PLXNB1: variants seen among roughly 807,000 people sequenced by gnomAD.
PLXNB1 encodes plexin B1.
In PLXNB1, 106 loss-of-function variants were observed where a neutral mutation model predicts 209.4. The observed-to-expected ratio is 0.51, with a 90% confidence interval of 0.43 to 0.59. The LOEUF is 0.59. PLXNB1 is among the 20% of genes least tolerant of loss of function. The pLI is 0.00. For missense variants in PLXNB1, 2,357 were observed against 2,853.2 expected (o/e 0.83, Z 3.96); for synonymous variants, 1,167 against 1,183.2 (o/e 0.99, Z 0.28).
At position 48,409,666 on chromosome 3, in the gene PLXNB1, C is replaced by T. The variant is rs773945357; in HGVS notation, c.5844G>A (p.Pro1948=). Residue 1948 remains proline (P), a synonymous_variant, in exon 33 of 38, where the codon CCG becomes CCA. Transcript: ENST00000296440. This position sits in a 1 kb window ranked among gnomAD's most constrained non-coding sequence, Gnocchi z 5.8. ...GGTCAAAGAAGTACTTCACAGCGAG[C>T]GGCACGGGGCGGCTGGTGCTGAGAA... ...QVILSTSRPV[P]LAVKYFFDLL... 12 of 1,613,904 alleles carry T rather than the reference C, an allele frequency of 7.4e-6. No individual in the cohort carries two copies. Among genetic ancestry groups the T allele is most frequent in the East Asian group, 6.7e-5 (3 of 44,874 alleles).
In PLXNB1 at chr3:48,423,576, G is replaced by T. The variant is rs749656777; in HGVS notation, c.1036C>A (p.Arg346Ser). 1.2e-6 allele frequency: 2 copies of T among 1,614,032 alleles called. No homozygotes were observed. The highest frequency in any genetic ancestry group is 1.7e-5 in the Admixed American group (1 of 60,008). ...GCCACCTCGGTCCCATCCTCAGCAC[G>T]ACCCTCCCGGGTGTAGCAGGCATCT... ...TRDACYTREG[R>S]AEDGTEVAYI... Residue 346 changes from arginine to serine, a missense_variant, in exon 3 of 38, where the codon CGT becomes AGT. Physicochemically the swap from Arg to Ser is moderately radical, Grantham distance 110. Coordinates refer to ENST00000296440, the MANE Select transcript of PLXNB1 (RefSeq NM_001130082.3).
intron 27 of PLXNB1, 61 bp from the exon 28 acceptor site, chr3:48,412,070 G>T: frequency 6.3e-7 from 1 of 1,575,272 alleles, no homozygotes; most frequent in Non-Finnish European, 8.7e-7. Context: ...GGGACATGAC[G>T]CACACTGGGG....
intron 7 of PLXNB1, 71 bp downstream of exon 7, chr3:48,421,603 T>A (rs1365722958): frequency 3.1e-5 from 45 of 1,442,806 alleles, no homozygotes; most frequent in Middle Eastern, 1.8e-4. Flanking sequence ...GACATCAGGA[T>A]CCAAGATCTC....
chr3:48,427,478 C>G lies in PLXNB1; in HGVS notation c.-59-2145G>C, dbSNP rs75935616. Among the ~76,000 whole-genome samples the G allele has an allele frequency of 3.1e-3, 469 of 152,292 alleles. 2 individuals are homozygous for G. The highest frequency in any genetic ancestry group is 0.011 in the African/African-American group (449 of 41,554). On this transcript the variant is annotated intron_variant, in intron 1 of 37. Transcript: ENST00000296440. ...CCACAGGCCACTGAGCAGCTCCCAG[C>G]CCCTCCAATCTAGCCTCCCAACTCC...
In PLXNB1 at chr3:48,409,753, G is replaced by A; in HGVS notation, c.5779-22C>T. ...TGCCCTGTGGGAAGGAAGAAGCAGA[G>A]AGGTGTGGTCAGCAAAGGGCCCTCA... On this transcript the variant is annotated intron_variant, in intron 32 of 37. Transcript: ENST00000296440. The surrounding 1 kb of genome is among the most constrained non-coding windows in gnomAD (Gnocchi z 5.8). The A allele has an allele frequency of 1.2e-6, 2 of 1,610,926 alleles. No homozygotes were observed. The highest frequency in any genetic ancestry group is 1.7e-6 in the Non-Finnish European group (2 of 1,178,492).
chr3:48,427,956 A>T (rs1412874106), intron 1 of PLXNB1, among the ~76,000 whole-genome samples: 2 of 152,178 alleles, frequency 1.3e-5, no homozygotes, highest in Non-Finnish European at 2.9e-5. Flanking sequence ...AACATGAAAC[A>T]GTGTGTGCCT....
In PLXNB1 at chr3:48,418,245, G is replaced by C; in HGVS notation, c.3168C>G (p.Ala1056=). The C allele has an allele frequency of 6.2e-7, 1 of 1,613,256 alleles. No homozygotes were observed. The highest frequency in any genetic ancestry group is 8.5e-7 in the Non-Finnish European group (1 of 1,179,876). Residue 1056 remains alanine, a synonymous_variant, in exon 15 of 38, where the codon GCC becomes GCG. Coordinates refer to ENST00000296440, the MANE Select transcript of PLXNB1 (RefSeq NM_001130082.3). This position sits in a 1 kb window ranked among gnomAD's most constrained non-coding sequence, Gnocchi z 6.6. ...TGGCCACAGCCTCAGCCTCACCACAGGCCTCCCGGGTCACACAACGTGGAC... is the reference window on the plus strand; with the variant it reads ...TGGCCACAGCCTCAGCCTCACCACACGCCTCCCGGGTCACACAACGTGGAC... The part of the protein sequence containing the change: ...GERPRCVTRE[A]CGEAEAVATQ...
At position 48,418,100 on chromosome 3, in the gene PLXNB1, G is replaced by A; in HGVS notation, c.3223-38C>T. On this transcript the variant is annotated intron_variant, in intron 15 of 37. Transcript: ENST00000296440. The surrounding 1 kb of genome is among the most constrained non-coding windows in gnomAD (Gnocchi z 6.6). ...AAGGACTGCTCACCTCTACTCAACT[G>A]GAAAGGCAGCCCCAACCTCCCACCT... 6.2e-7 allele frequency: 1 copy of A among 1,607,804 alleles called. No homozygotes were observed. The highest frequency in any genetic ancestry group is 8.5e-7 in the Non-Finnish European group (1 of 1,175,962).
rs2038499384 is a variant in PLXNB1, at chr3:48,421,266, G to C, written c.1772C>G (p.Pro591Arg). 5 of 1,612,852 alleles carry C rather than the reference G, an allele frequency of 3.1e-6. No homozygotes were observed. The East Asian group carries it at 8.9e-5, about 29-fold the overall frequency. The change falls in exon 8 of 38, where the codon CCA (proline) becomes CGA (arginine). Residue 591 changes from proline to arginine, a missense_variant. Pro to Arg is a moderately radical substitution (Grantham distance 103). Around this residue, in one of 7 missense-constraint regions of PLXNB1, gnomAD observed 214 missense variants for 297.1 expected, o/e 0.72. Coordinates refer to ENST00000296440, the MANE Select transcript of PLXNB1 (RefSeq NM_001130082.3). ...CAGCACTGGGGCCTCACTAGGGTCT[G>C]GGGAGGGGCACATCACACCAGAACC... ...LTGSGVMCPS[P>R]DPSEAPVLPR...
chr3:48,404,597 CAG>C lies in PLXNB1; in HGVS notation c.6304-9_6304-8del, dbSNP rs1560041143. The C allele has an allele frequency of 6.3e-7, 1 of 1,597,016 alleles. No individual in the cohort carries two copies. The highest frequency in any genetic ancestry group is 2.2e-5 in the East Asian group (1 of 44,730). The stretch of plus-strand genomic sequence containing the variant: ...CCTCCAGGGCAGTGATGATCTGAAA[CAG>C]AGACCAATGCCATCAGGGGAGACTT... On this transcript the variant is annotated splice_polypyrimidine_tract_variant and splice_region_variant and intron_variant, in intron 37 of 37. Coordinates refer to ENST00000296440, the MANE Select transcript of PLXNB1 (RefSeq NM_001130082.3).
chr3:48,421,722 T>C lies in PLXNB1; in HGVS notation c.1605A>G (p.Gln535=), dbSNP rs746185721. The C allele has an allele frequency of 6.8e-6, 11 of 1,609,958 alleles. No individual in the cohort carries two copies. In the African/African-American group the frequency reaches 9.4e-5, roughly 14 times the overall value. The change falls in exon 7 of 38, where the codon CAA becomes CAG. Residue 535 remains glutamine (Q), a synonymous_variant. Transcript: ENST00000296440. ...TGTTGGCAGGACTCATGGCTGCCACTTGCAGACAGCCCAGCTCAGGCTGGA... is the reference window on the plus strand; with the variant it reads ...TGTTGGCAGGACTCATGGCTGCCACCTGCAGACAGCCCAGCTCAGGCTGGA... ...WSFQPELGCL[Q]VAAMSPANIS...
In PLXNB1 at chr3:48,424,027, T is replaced by A. The variant is rs1003157687; in HGVS notation, c.585A>T (p.Gln195His). The A allele has an allele frequency of 6.2e-7, 1 of 1,607,188 alleles. No homozygotes were observed. The highest frequency in any genetic ancestry group is 8.5e-7 in the Non-Finnish European group (1 of 1,176,236). ...CTGTCTCCTCATAGGAGAAGGCAGC[T>A]TGGGGGTCGGGCGGCCACAGGGCCC... ...TTRALWPPDPQAAFSYEETAK... is the reference protein window; with the variant it reads ...TTRALWPPDPHAAFSYEETAK... Residue 195 changes from glutamine to histidine, a missense_variant, in exon 3 of 38, where the codon CAA (glutamine) becomes CAT (histidine). Gln to His is a conservative substitution (Grantham distance 24). This residue lies in a region of PLXNB1 where 404 missense variants were observed against 443.6 expected (regional missense o/e 0.91). Coordinates refer to ENST00000296440, the MANE Select transcript of PLXNB1 (RefSeq NM_001130082.3).
Position 48,418,889 on chromosome 3 carries a change from T to C in PLXNB1, c.2955+28A>G. On this transcript the variant is annotated intron_variant, in intron 13 of 37. Transcript: ENST00000296440. The surrounding 1 kb of genome is among the most constrained non-coding windows in gnomAD (Gnocchi z 6.6). ...GCCTGTGGCCAGTGCAGTGCACCCG[T>C]GCCCACCCAGGCGCTCATGGTGTGC... 6.2e-7 allele frequency: 1 copy of C among 1,613,350 alleles called. No homozygotes were observed. The highest frequency in any genetic ancestry group is 8.5e-7 in the Non-Finnish European group (1 of 1,179,814).
At chr3:48,427,295 G>C (rs1311090758) in intron 1 of PLXNB1, among the ~76,000 whole-genome samples, 1 of 152,092 alleles carries the variant, frequency 6.6e-6, no homozygotes, top group Non-Finnish European at 1.5e-5. Context: ...ACCCACTCCA[G>C]GGAAAGTGGT....
rs142710050 is a variant in PLXNB1 at position 48,424,279 on chromosome 3, G to C, written c.333C>G (p.Cys111Trp). The C allele has an allele frequency of 6.3e-7, 1 of 1,586,534 alleles. No individual in the cohort carries two copies. The highest frequency in any genetic ancestry group is 1.1e-5 in the South Asian group (1 of 87,350). The change falls in exon 3 of 38, where the codon TGC (cysteine) becomes TGG (tryptophan). Residue 111 changes from cysteine to tryptophan, a missense_variant. Coordinates refer to ENST00000296440, the MANE Select transcript of PLXNB1 (RefSeq NM_001130082.3). ...CACAGACCCCCTGGTGCACGCTCCCGCATACCACCAGGGCCCCTGGGCTCA... is the reference window on the plus strand; with the variant it reads ...CACAGACCCCCTGGTGCACGCTCCCCCATACCACCAGGGCCCCTGGGCTCA... ...LLVSPGALVV[C>W]GSVHQGVCEQ...
In PLXNB1 at chr3:48,418,230, C is replaced by T. The variant is rs750765233; in HGVS notation, c.3183G>A (p.Glu1061=). Residue 1061 remains glutamate (E), a synonymous_variant, in exon 15 of 38, where the codon GAG becomes GAA. Coordinates refer to ENST00000296440, the MANE Select transcript of PLXNB1 (RefSeq NM_001130082.3). This position sits in a 1 kb window ranked among gnomAD's most constrained non-coding sequence, Gnocchi z 6.6. ...CVTREACGEA[E]AVATQCPAPL... ...GCGCTGGGCACTGGGTGGCCACAGC[C>T]TCAGCCTCACCACAGGCCTCCCGGG... 4 of 1,612,590 alleles carry T rather than the reference C, an allele frequency of 2.5e-6. No individual in the cohort carries two copies. In the Admixed American group the frequency reaches 5.0e-5, roughly 20 times the overall value.
Position 48,410,089 on chromosome 3 carries a change from G to GGGA in PLXNB1, c.5606-13_5606-12insTCC, listed in dbSNP as rs758796866. On this transcript the variant is annotated splice_polypyrimidine_tract_variant and intron_variant, in intron 31 of 37. Transcript: ENST00000296440. This position sits in a 1 kb window ranked among gnomAD's most constrained non-coding sequence, Gnocchi z 6.4. ...CAGCATTGGGGTCCCTGTGCCAAGA[G>GGGA]CCCACAGCTGTCACCCCTCCCCAGG... is the stretch of plus-strand genomic sequence containing the variant. 1.2e-5 allele frequency: 19 copies of GGGA among 1,565,476 alleles called. No homozygotes were observed. Among genetic ancestry groups the GGGA allele is most frequent in the Admixed American group, 7.4e-5 (4 of 54,188 alleles).
Position 48,419,828 on chromosome 3 carries a change from G to C in PLXNB1, c.2458C>G (p.Pro820Ala). The C allele has an allele frequency of 6.3e-7, 1 of 1,582,412 alleles. No homozygotes were observed. The change falls in exon 11 of 38, where the codon CCT becomes GCT. Residue 820 changes from proline (P) to alanine (A), a missense_variant. Physicochemically the swap from Pro to Ala is conservative, Grantham distance 27. Coordinates refer to ENST00000296440, the MANE Select transcript of PLXNB1 (RefSeq NM_001130082.3). This position sits in a 1 kb window ranked among gnomAD's most constrained non-coding sequence, Gnocchi z 5.7. Reference protein sequence around the residue: ...LHPTVPLDLPPATVPATTFPG... With the variant: ...LHPTVPLDLPAATVPATTFPG... Reference sequence around the variant, plus strand: ...AAAGTGGTGGCAGGAACAGTGGCAGGGGGCAGGTCCAGGGGCACTGTGGGA... The same window carrying C: ...AAAGTGGTGGCAGGAACAGTGGCAGCGGGCAGGTCCAGGGGCACTGTGGGA...
In PLXNB1 at chr3:48,409,412, A is replaced by T. The variant is rs748591557; in HGVS notation, c.6004T>A (p.Ser2002Thr). The T allele has an allele frequency of 3.1e-6, 5 of 1,614,050 alleles. No individual in the cohort carries two copies. The highest frequency in any genetic ancestry group is 3.4e-6 in the Non-Finnish European group (4 of 1,180,038). The change falls in exon 34 of 38, where the codon TCT becomes ACT. Residue 2002 changes from serine (S) to threonine (T), a missense_variant. Coordinates refer to ENST00000296440, the MANE Select transcript of PLXNB1 (RefSeq NM_001130082.3). The surrounding 1 kb of genome is among the most constrained non-coding windows in gnomAD (Gnocchi z 5.8). ...AGGAGCACCGCATCCATGTTATCAGATGTTTGCACGTCGAACACAAACTGC... is the reference window on the plus strand; with the variant it reads ...AGGAGCACCGCATCCATGTTATCAGTTGTTTGCACGTCGAACACAAACTGC... ...NPQFVFDVQT[S>T]DNMDAVLLVI... is the part of the protein sequence containing the mutation.
Sources: gnomAD v4.1 joint callset for allele counts (sites outside exome capture counted in the v4.1 genomes callset) on GRCh38, gnomAD v4.1.1 for gene constraint, gnomAD v4.1.1 regional missense constraint, Gnocchi (gnomAD v3.1) non-coding constraint, MANE v1.5 for transcripts, NCBI Gene and HGNC (gene_info 2026-07-23, HGNC 2026-07-21) for gene names.